The following EVA1C variants were observed in gnomAD, a reference collection of about 807,000 sequenced individuals.
The protein encoded by EVA1C is eva-1 homolog C, also known as protein eva-1 homolog C.
EVA1C carries 25 observed loss-of-function variants against 45.4 expected under a neutral mutation model. That is an observed-to-expected ratio of 0.55 (90% CI 0.40 to 0.77). The LOEUF is 0.77. EVA1C is among the 30% of genes least tolerant of loss of function. The pLI is 0.00. For synonymous variants in EVA1C, 190 were observed against 221.2 expected, an observed-to-expected ratio of 0.86 and a Z score of 1.25; for missense variants, 479 against 554.8, an observed-to-expected ratio of 0.86 and a Z score of 1.37.
intron 7 of EVA1C, among the ~76,000 whole-genome samples, chr21:32,509,687 C>T (rs541484040): frequency 1.2e-4 from 18 of 151,954 alleles, no homozygotes; most frequent in African/African-American, 1.2e-4. Context: ...ACCCACTCAG[C>T]GAGTGAGTGA....
intron 1 of EVA1C, among the ~76,000 whole-genome samples, chr21:32,445,601 T>G (rs2035335107): frequency 6.6e-6 from 1 of 152,146 alleles, no homozygotes; most frequent in African/African-American, 2.4e-5. Flanking sequence ...CTGGATTATT[T>G]GAATATTAAT....
chr21:32,430,116 C>T (rs927200691), intron 1 of EVA1C, among the ~76,000 whole-genome samples: 8 of 152,118 alleles, frequency 5.3e-5, no homozygotes, highest in African/African-American at 1.9e-4. Flanking sequence ...TTGTTTAGCA[C>T]CCTTTGGTGA....
At chr21:32,499,304 G>C (rs555793635) in intron 5 of EVA1C, among the ~76,000 whole-genome samples, 47 of 152,298 alleles carry the variant, frequency 3.1e-4, no homozygotes, top group African/African-American at 1.1e-3. Context: ...TGAATGCGAG[G>C]TAATTAAAGC....
At chr21:32,502,542 G>T (rs1265851873) in intron 6 of EVA1C, among the ~76,000 whole-genome samples, 1 of 152,116 alleles carries the variant, frequency 6.6e-6, no homozygotes, top group Non-Finnish European at 1.5e-5. Context: ...ACCCCGTAGA[G>T]CATCTAAGAT....
At chr21:32,421,989 G>A (rs1461452330) in intron 1 of EVA1C, among the ~76,000 whole-genome samples, 1 of 145,238 alleles carries the variant, frequency 6.9e-6, no homozygotes, top group Non-Finnish European at 1.5e-5. Flanking sequence ...AGGTTGCAGT[G>A]AGCTGAGACT....
intron 7 of EVA1C, among the ~76,000 whole-genome samples, chr21:32,506,175 T>C (rs1337068799): frequency 2.7e-5 from 4 of 150,654 alleles, no homozygotes; most frequent in Non-Finnish European, 5.9e-5. Flanking sequence ...GTTTAGTGAC[T>C]ATCTCTCCTG....
intron 4 of EVA1C, among the ~76,000 whole-genome samples, chr21:32,491,043 G>C (rs1405502297): frequency 2.6e-5 from 4 of 152,236 alleles, no homozygotes; most frequent in African/African-American, 9.6e-5. Context: ...AATAAGTAGA[G>C]CCATGAGGTG....
chr21:32,481,745 C>T (rs559897839), intron 4 of EVA1C, among the ~76,000 whole-genome samples: 12 of 152,242 alleles, frequency 7.9e-5, no homozygotes, highest in African/African-American at 2.9e-4. Context: ...TGTTAAGTCA[C>T]AAAAGCTTGA....
rs1601317954 is a variant in EVA1C at position 32,457,721 on chromosome 21, G to A, written c.481+1G>A. Reference sequence around the variant, plus strand: ...CTGGTCTCCTTTAAATGCCAACCTAGTAAGTAACTTCGGAGGGGGACAGTG... The same window carrying A: ...CTGGTCTCCTTTAAATGCCAACCTAATAAGTAACTTCGGAGGGGGACAGTG... On this transcript the variant is annotated splice_donor_variant, in intron 3 of 7. Transcript: ENST00000300255. LOFTEE classifies it high-confidence loss of function. 1 of 1,614,090 alleles carries A rather than the reference G, an allele frequency of 6.2e-7. No individual in the cohort carries two copies. The highest frequency in any genetic ancestry group is 8.5e-7 in the Non-Finnish European group (1 of 1,180,004).
chr21:32,494,273 AG>A (rs1419924383), intron 4 of EVA1C, among the ~76,000 whole-genome samples: 22 of 152,328 alleles, frequency 1.4e-4, no homozygotes, highest in Admixed American at 1.2e-3. Flanking sequence ...TGCCTTCTAC[AG>A]TGGGCGAGGT....
intron 1 of EVA1C, among the ~76,000 whole-genome samples, chr21:32,435,793 G>A (rs2034922018): frequency 6.6e-6 from 1 of 152,170 alleles, no homozygotes; most frequent in African/African-American, 2.4e-5. Context: ...TTTCTTCTGT[G>A]GTCTCTGTGT....
intron 4 of EVA1C, among the ~76,000 whole-genome samples, chr21:32,490,115 C>T (rs1466056205): frequency 2.0e-5 from 3 of 152,092 alleles, no homozygotes; most frequent in Non-Finnish European, 4.4e-5. Flanking sequence ...ACCACCTTGA[C>T]CATTTCTAAG....
At chr21:32,455,749 G>C (rs745364752) in intron 2 of EVA1C, among the ~76,000 whole-genome samples, 9 of 152,194 alleles carry the variant, frequency 5.9e-5, no homozygotes, top group Admixed American at 5.2e-4. Context: ...ATACCCCTGA[G>C]GGAAGAGGAT....
intron 4 of EVA1C, among the ~76,000 whole-genome samples, chr21:32,492,328 G>A (rs186962972): frequency 2.6e-5 from 4 of 152,224 alleles, no homozygotes; most frequent in Admixed American, 6.5e-5. Context: ...GATCAGTTTC[G>A]GGGTGTGTGT....
chr21:32,492,253 AG>A (rs1458139506), intron 4 of EVA1C, among the ~76,000 whole-genome samples: 1 of 152,106 alleles, frequency 6.6e-6, no homozygotes, highest in Admixed American at 6.6e-5. Flanking sequence ...GAGATAGGGA[AG>A]GATTAGGATC....
At position 32,432,647 on chromosome 21, in the gene EVA1C, G is replaced by A. The variant is rs1048525213; in HGVS notation, c.160+19634G>A. Among the ~76,000 whole-genome samples, 35 of 150,892 alleles carry A rather than the reference G, an allele frequency of 2.3e-4. No homozygotes were observed. In the East Asian group the frequency reaches 4.7e-3, roughly 20 times the overall value. ...TTGCTGCTCTTGAAAATGTTGTTCC[G>A]TAATCCTTCATCTAAAACAGAGCAA... On this transcript the variant is annotated intron_variant, in intron 1 of 7. Transcript: ENST00000300255.
chr21:32,444,053 AACAC>A (rs60086580), intron 1 of EVA1C, among the ~76,000 whole-genome samples: 16,156 of 139,890 alleles, frequency 0.12, 1,450 homozygotes, highest in African/African-American at 0.24. Context: ...ATTGTGTGAA[AACAC>A]ACACACACAC....
rs777765053 is a variant in EVA1C at position 32,515,013 on chromosome 21, G to A, written c.1149G>A (p.Glu383=). 1.9e-6 allele frequency: 3 copies of A among 1,614,154 alleles called. No individual in the cohort carries two copies. Among genetic ancestry groups the A allele is most frequent in the Non-Finnish European group, 2.5e-6 (3 of 1,180,000 alleles). The stretch of plus-strand genomic sequence containing the variant: ...AAGAAGAGGAGGAGGACCCCTCTGA[G>A]TCTGATTTCCCAGGGGAACTGTCGG... ...EDEEEEEDPS[E]SDFPGELSGF... is the part of the protein sequence containing the mutation. The change falls in exon 8 of 8, where the codon GAG becomes GAA. Residue 383 remains glutamate, a synonymous_variant. Coordinates refer to ENST00000300255, the MANE Select transcript of EVA1C (RefSeq NM_058187.5).
At chr21:32,500,873 G>A (rs1166987424) in intron 5 of EVA1C, among the ~76,000 whole-genome samples, 3 of 151,578 alleles carry the variant, frequency 2.0e-5, no homozygotes, top group Non-Finnish European at 4.4e-5. Flanking sequence ...ATGCAGTGGT[G>A]CGCTCTTCGC....
Sources: gnomAD v4.1 joint callset for allele counts (sites outside exome capture counted in the v4.1 genomes callset) on GRCh38, gnomAD v4.1.1 for gene constraint, MANE v1.5 for transcripts, NCBI Gene and HGNC (gene_info 2026-07-23, HGNC 2026-07-21) for gene names.